Variants in KCTD1 observed in about 807,000 individuals in gnomAD.
KCTD1 encodes the protein potassium channel tetramerization domain containing 1, also known as BTB/POZ domain-containing protein KCTD1.
A neutral mutation model predicts 66.0 loss-of-function variants in KCTD1; 24 were observed. That is an observed-to-expected ratio of 0.36 (90% confidence interval 0.26 to 0.51). The LOEUF (loss-of-function observed/expected upper bound fraction) is 0.51, where lower values mean the gene tolerates loss of function less well. Among genes scored for constraint, KCTD1 ranks in the 20% least tolerant of loss-of-function variants. KCTD1 has a pLI of 0.95. For missense variants in KCTD1, 943 were observed against 1,205.2 expected, an observed-to-expected ratio of 0.78 and a Z score of 3.22; for synonymous variants, 511 against 517.2, an observed-to-expected ratio of 0.99 and a Z score of 0.16.
chr18:26,655,589 A>G (rs1309684084), intron 1 of KCTD1, among the ~76,000 whole-genome samples: 1 of 152,238 alleles, frequency 6.6e-6, no homozygotes, highest in Admixed American at 6.5e-5. Flanking sequence ...AGCCAGTGCC[A>G]CTGGGATCCT....
At chr18:26,531,973 G>T (rs1984453501) in intron 1 of KCTD1, among the ~76,000 whole-genome samples, 1 of 152,166 alleles carries the variant, frequency 6.6e-6, no homozygotes, top group Non-Finnish European at 1.5e-5. Context: ...TATAAGAATG[G>T]GGGAGAAAGG....
upstream of KCTD1, among the ~76,000 whole-genome samples, chr18:26,550,646 G>A (rs774228977): frequency 1.3e-5 from 2 of 151,386 alleles, no homozygotes; most frequent in Non-Finnish European, 2.9e-5. This position sits in a 1 kb window ranked among gnomAD's most constrained non-coding sequence, Gnocchi z 5.4. Flanking sequence ...GAACCGTCCG[G>A]GAATCGTCCC....
upstream of KCTD1, among the ~76,000 whole-genome samples, chr18:26,634,066 A>T (rs140494811): frequency 3.3e-4 from 50 of 152,340 alleles, no homozygotes; most frequent in African/African-American, 1.2e-3. Context: ...GATACAAAAG[A>T]TTCCAGACTG....
In KCTD1 at chr18:26,645,560, C is replaced by T. The variant is rs1260172146; in HGVS notation, c.9+11800G>A. On this transcript the variant is annotated intron_variant, in intron 1 of 4. Transcript: ENST00000580191. ...TGGGATTACAAGCATGCACCCCATG[C>T]CTGGTTATTATTATTATTGTAGAGA... Among the ~76,000 whole-genome samples, 3 of 151,994 alleles carry T rather than the reference C, an allele frequency of 2.0e-5. No homozygotes were observed. The East Asian group carries it at 5.8e-4, about 29-fold the overall frequency.
At chr18:26,654,967 T>C (rs1988102144) in intron 1 of KCTD1, among the ~76,000 whole-genome samples, 1 of 152,194 alleles carries the variant, frequency 6.6e-6, no homozygotes, top group African/African-American at 2.4e-5. Flanking sequence ...ACACGAGGAA[T>C]AAATCGGCAC....
chr18:26,513,412 G>C (rs1425510830), intron 1 of KCTD1, among the ~76,000 whole-genome samples: 2 of 152,002 alleles, frequency 1.3e-5, no homozygotes, highest in Admixed American at 6.6e-5. Flanking sequence ...TTTTAAATAA[G>C]ACATACCTAT....
rs749999973 is a variant in KCTD1, at chr18:26,476,652, T to C, written c.1996A>G (p.Arg666Gly). 8 of 1,610,918 alleles carry C rather than the reference T, an allele frequency of 5.0e-6. No individual in the cohort carries two copies. Among genetic ancestry groups the C allele is most frequent in the Non-Finnish European group, 6.8e-6 (8 of 1,179,192 alleles). ...ATGGGCTCTGTACCATCAAAAAGTC[T>C]TCCGATTCTGTGATAGAAAAGAGGG... ...LTKYPESRIG[R>G]LFDGTEPIVL... The change falls in exon 3 of 5, where the codon AGA becomes GGA. Residue 666 changes from arginine to glycine, a missense_variant. Transcript: ENST00000580059. The surrounding 1 kb of genome is among the most constrained non-coding windows in gnomAD (Gnocchi z 4.9).
intron 1 of KCTD1, among the ~76,000 whole-genome samples, chr18:26,583,393 C>CAAAAAAAAAAA (rs55720907): frequency 6.4e-4 from 54 of 83,766 alleles, no homozygotes; most frequent in Non-Finnish European, 8.3e-4. Flanking sequence ...GACTTTGTCT[C>CAAAAAAAAAAA]AAAAAAAAAA....
chr18:26,461,165 T>C (rs906707625), intron 3 of KCTD1, among the ~76,000 whole-genome samples: 19 of 152,226 alleles, frequency 1.2e-4, no homozygotes, highest in African/African-American at 4.1e-4. Flanking sequence ...TGCACTTTGC[T>C]CTTTCTCTTG....
chr18:26,569,582 TG>T (rs1354025002), intron 1 of KCTD1, among the ~76,000 whole-genome samples: 2 of 140,198 alleles, frequency 1.4e-5, no homozygotes, highest in Non-Finnish European at 1.6e-5. Flanking sequence ...AGGTGGGGGG[TG>T]GGGGGTGCGG....
At chr18:26,462,974 G>C (rs1598874213) in intron 3 of KCTD1, among the ~76,000 whole-genome samples, 1 of 152,124 alleles carries the variant, frequency 6.6e-6, no homozygotes, top group African/African-American at 2.4e-5. Flanking sequence ...CAAGGTACTT[G>C]GTGGAAATAG....
At chr18:26,609,735 C>T (rs1987093337) in intron 1 of KCTD1, among the ~76,000 whole-genome samples, 1 of 152,210 alleles carries the variant, frequency 6.6e-6, no homozygotes, top group African/African-American at 2.4e-5. Flanking sequence ...GTGACTGAAA[C>T]TACAGCCTTC....
At chr18:26,561,885 C>G (rs892287940) in intron 1 of KCTD1, among the ~76,000 whole-genome samples, 38 of 152,302 alleles carry the variant, frequency 2.5e-4, no homozygotes, top group African/African-American at 9.1e-4. Context: ...TGAGCACCTG[C>G]TGAGGGCCTG....
intron 1 of KCTD1, among the ~76,000 whole-genome samples, chr18:26,533,492 C>A (rs1984544951): frequency 6.6e-6 from 1 of 152,222 alleles, no homozygotes; most frequent in Non-Finnish European, 1.5e-5. Context: ...TGGATGAGAT[C>A]TTTTCTAGCT....
intron 1 of KCTD1, among the ~76,000 whole-genome samples, chr18:26,590,403 C>T (rs948564437): frequency 1.3e-5 from 2 of 152,090 alleles, no homozygotes; most frequent in Non-Finnish European, 2.9e-5. Context: ...ATGCATTTTG[C>T]TCATTTATTA....
At chr18:26,549,290 C>G (rs1985444911), upstream of KCTD1, 1 of 985,318 alleles carries the variant, frequency 1.0e-6, no homozygotes, top group Non-Finnish European at 1.2e-6. Flanking sequence ...GCGCGGCTCC[C>G]AACTCCCTTT....
intron 1 of KCTD1, among the ~76,000 whole-genome samples, chr18:26,580,211 C>T (rs958537523): frequency 6.6e-5 from 10 of 152,128 alleles, no homozygotes; most frequent in Middle Eastern, 3.4e-3. Context: ...TGCTTCTGGC[C>T]GGGGAGACAA....
chr18:26,593,855 A>G (rs1338861320), intron 1 of KCTD1, among the ~76,000 whole-genome samples: 19 of 129,498 alleles, frequency 1.5e-4, no homozygotes, highest in Non-Finnish European at 2.6e-4. Context: ...ACAAGGAGGA[A>G]GAGGAGAACA....
At chr18:26,617,500 GTCTT>G (rs1987280742) in intron 1 of KCTD1, among the ~76,000 whole-genome samples, 1 of 152,188 alleles carries the variant, frequency 6.6e-6, no homozygotes, top group African/African-American at 2.4e-5. Context: ...ATAAACAAGA[GTCTT>G]TCCATCAATT....
Sources: allele counts gnomAD v4.1 joint callset (sites outside exome capture counted in the v4.1 genomes callset), GRCh38; gene constraint gnomAD v4.1.1; non-coding constraint Gnocchi (gnomAD v3.1); transcripts MANE v1.5; gene names NCBI Gene and HGNC (gene_info 2026-07-23, HGNC 2026-07-21).